Variants in RAB44 observed in about 807,000 individuals in gnomAD.
The protein encoded by RAB44 is RAB44, member RAS oncogene family, also known as ras-related protein Rab-44.
In RAB44, 67 loss-of-function variants were observed where a neutral mutation model predicts 93.3. The ratio of observed to expected loss-of-function variants is 0.72; its 90% confidence interval spans 0.59 to 0.88. The LOEUF (loss-of-function observed/expected upper bound fraction) is 0.88. Ranked by LOEUF, RAB44 falls within the 40% of genes least tolerant of loss-of-function variation. RAB44 has a pLI of 0.00. For synonymous variants in RAB44, 427 were observed against 520.3 expected, an observed-to-expected ratio of 0.82 and a Z score of 2.44; for missense variants, 1,064 against 1,261.7, an observed-to-expected ratio of 0.84 and a Z score of 2.37.
intron 1 of RAB44, among the ~76,000 whole-genome samples, chr6:36,703,232 T>C (rs1283921904): frequency 6.6e-6 from 1 of 152,172 alleles, no homozygotes; most frequent in African/African-American, 2.4e-5. Flanking sequence ...ATGGCATTCA[T>C]CCATTCATGA....
chr6:36,706,306 T>C (rs940885120), intron 2 of RAB44, among the ~76,000 whole-genome samples: 1 of 152,148 alleles, frequency 6.6e-6, no homozygotes, highest in Admixed American at 6.6e-5. Context: ...AGTGCTAAAA[T>C]TGGAAAGTCC....
chr6:36,710,940 G>A (rs560775572), intron 2 of RAB44, among the ~76,000 whole-genome samples: 37 of 152,020 alleles, frequency 2.4e-4, no homozygotes, highest in South Asian at 1.5e-3. Context: ...ACTTTTTAAA[G>A]CAGAAAAAAA....
intron 1 of RAB44, among the ~76,000 whole-genome samples, chr6:36,698,914 G>T (rs1484810058): frequency 6.6e-6 from 1 of 152,158 alleles, no homozygotes; most frequent in African/African-American, 2.4e-5. Flanking sequence ...ACTGAAGGAT[G>T]TCCTTGCTGT....
chr6:36,720,591 G>T (rs1763049911), intron 8 of RAB44, 41 bp downstream of exon 8: 5 of 1,222,926 alleles, frequency 4.1e-6, no homozygotes, highest in Non-Finnish European at 4.1e-6. Context: ...GACTCTAAGG[G>T]CCTCCTGGAA....
intron 9 of RAB44, among the ~76,000 whole-genome samples, chr6:36,725,298 C>A (rs1763209267): frequency 6.6e-6 from 1 of 152,212 alleles, no homozygotes; most frequent in African/African-American, 2.4e-5. Flanking sequence ...GCCTCAGCCT[C>A]CTGAGTAGCT....
chr6:36,725,924 G>A lies in RAB44; in HGVS notation c.2662G>A (p.Asp888Asn). 1 of 1,550,692 alleles carries A rather than the reference G, an allele frequency of 6.4e-7. No homozygotes were observed. The highest frequency in any genetic ancestry group is 1.2e-5 in the South Asian group (1 of 84,054). ...DNKCFVLQLW[D>N]TAGQERYHSM... Reference sequence around the variant, plus strand: ...CAAGTGCTTTGTGCTGCAGCTCTGGGACACAGCTGGCCAAGAGAGGTAACA... The same window carrying A: ...CAAGTGCTTTGTGCTGCAGCTCTGGAACACAGCTGGCCAAGAGAGGTAACA... The change falls in exon 10 of 14, where the codon GAC becomes AAC. Residue 888 changes from aspartate to asparagine, a missense_variant. Physicochemically the swap from Asp to Asn is conservative, Grantham distance 23. Transcript: ENST00000612677.
chr6:36,715,335 G>A, intron 3 of RAB44, 144 bp from the exon 4 acceptor site: 4 of 743,732 alleles, frequency 5.4e-6, no homozygotes, highest in Non-Finnish European at 8.5e-6. Context: ...AGGTTGATAT[G>A]AGAAATATGT....
At chr6:36,705,880 T>G (rs1036972324) in intron 2 of RAB44, among the ~76,000 whole-genome samples, 5 of 151,448 alleles carry the variant, frequency 3.3e-5, no homozygotes, top group Admixed American at 6.6e-5. Context: ...ATCTTATGTA[T>G]GAAATTTGGA....
rs1762618300 is a variant in RAB44, at chr6:36,705,245, TATCTAAC to T, written c.207+805_207+811del. Among the ~76,000 whole-genome samples, 14 of 152,154 alleles carry T rather than the reference TATCTAAC, an allele frequency of 9.2e-5. No homozygotes were observed. The South Asian group carries it at 2.9e-3, about 32-fold the overall frequency. On this transcript the variant is annotated intron_variant, in intron 2 of 13. Transcript: ENST00000612677. ...GGAGTTCAATTCTTAAAATGGCTAA[TATCTAAC>T]AGGCCATCAATCTTTCAGGCTATCT...
chr6:36,722,537 T>G lies in RAB44; in HGVS notation c.2403T>G (p.Leu801=). 6.5e-7 allele frequency: 1 copy of G among 1,540,590 alleles called. No homozygotes were observed. Among genetic ancestry groups the G allele is most frequent in the East Asian group, 2.5e-5 (1 of 40,802 alleles). The change falls in exon 9 of 14, where the codon CTT becomes CTG. Residue 801 remains leucine (L), a synonymous_variant. Transcript: ENST00000612677. ...GGGAACCAAGGGCAGAGAGCAGGCT[T>G]GAAGATCCAGGAATGGACTCCAGGG... The part of the protein sequence containing the change: ...HSREPRAESR[L]EDPGMDSREA...
At chr6:36,699,024 G>A (rs1390412320) in intron 1 of RAB44, among the ~76,000 whole-genome samples, 4 of 152,170 alleles carry the variant, frequency 2.6e-5, no homozygotes, top group Admixed American at 6.5e-5. Flanking sequence ...GTGAAGGCAC[G>A]AGGGGTGAGT....
intron 1 of RAB44, among the ~76,000 whole-genome samples, chr6:36,698,566 T>G (rs1762438499): frequency 6.6e-6 from 1 of 152,150 alleles, no homozygotes; most frequent in South Asian, 2.1e-4. Flanking sequence ...TTATGCGATT[T>G]CTTAGGTGAG....
intron 11 of RAB44, 67 bp from the exon 12 acceptor site, chr6:36,728,633 G>A (rs201455886): frequency 1.1e-5 from 15 of 1,336,918 alleles, no homozygotes; most frequent in Non-Finnish European, 1.5e-5. Flanking sequence ...TCAGCTTCTA[G>A]GAAGGCAAAT....
rs886979674 is a variant in RAB44 at position 36,728,790 on chromosome 6, C to G, written c.2887C>G (p.Gln963Glu). 6.5e-7 allele frequency: 1 copy of G among 1,550,286 alleles called. No homozygotes were observed. The highest frequency in any genetic ancestry group is 8.7e-7 in the Non-Finnish European group (1 of 1,146,820). The change falls in exon 12 of 14, where the codon CAA becomes GAA. Residue 963 changes from glutamine to glutamate, a missense_variant. By Grantham distance (29) the Gln-to-Glu change is conservative. Transcript: ENST00000612677. ...ERQVSVEAGQQLAQELGVYFG... is the reference protein window; with the variant it reads ...ERQVSVEAGQELAQELGVYFG... Reference sequence around the variant, plus strand: ...GCAAGTGTCCGTGGAAGCTGGGCAGCAACTGGCCCAGGTAAGCACTTGGGC... The same window carrying G: ...GCAAGTGTCCGTGGAAGCTGGGCAGGAACTGGCCCAGGTAAGCACTTGGGC...
At chr6:36,722,816 C>T (rs1465049178) in intron 9 of RAB44, 83 bp downstream of exon 9, 4 of 1,496,444 alleles carry the variant, frequency 2.7e-6, no homozygotes, top group East Asian at 2.5e-5. Context: ...CCAGACCAAG[C>T]CCTCCCTGAG....
At chr6:36,701,523 C>A (rs1438438255) in intron 1 of RAB44, among the ~76,000 whole-genome samples, 3 of 152,090 alleles carry the variant, frequency 2.0e-5, no homozygotes. Flanking sequence ...CAAGGTTGGG[C>A]ACTATGAGGG....
intron 2 of RAB44, among the ~76,000 whole-genome samples, chr6:36,706,721 G>T (rs566499842): frequency 3.3e-5 from 5 of 149,932 alleles, no homozygotes; most frequent in Non-Finnish European, 7.4e-5. Context: ...AGGAGAGTCT[G>T]TAAAAGTAAT....
At chr6:36,709,637 C>A (rs1762733021) in intron 2 of RAB44, among the ~76,000 whole-genome samples, 1 of 152,172 alleles carries the variant, frequency 6.6e-6, no homozygotes, top group Admixed American at 6.5e-5. Flanking sequence ...CTCACTGCAA[C>A]CTCCGCCTTC....
In RAB44 at chr6:36,728,617, C is replaced by T. The variant is rs996464698; in HGVS notation, c.2797-83C>T. ...CCTGGGAGGGGGAACATGCGGGGGA[C>T]ACAGTTCAGCTTCTAGGAAGGCAAA... On this transcript the variant is annotated intron_variant, in intron 11 of 13. Transcript: ENST00000612677. 12 of 1,097,184 alleles carry T rather than the reference C, an allele frequency of 1.1e-5. No individual in the cohort carries two copies. In the African/African-American group the frequency reaches 1.9e-4, roughly 17 times the overall value. The allele number at this position is 1,097,184 out of a possible 1,614,324, so 68.0% of individuals were successfully genotyped here.
Sources: allele counts gnomAD v4.1 joint callset (sites outside exome capture counted in the v4.1 genomes callset), GRCh38; gene constraint gnomAD v4.1.1; transcripts MANE v1.5; gene names NCBI Gene and HGNC (gene_info 2026-07-23, HGNC 2026-07-21).